The following SORCS2 variants were observed in gnomAD, a reference collection of about 807,000 sequenced individuals.
SORCS2 encodes the protein VPS10 domain-containing receptor SorCS2.
A neutral mutation model predicts 141.6 loss-of-function variants in SORCS2; 100 were observed. That is an observed-to-expected ratio of 0.71 (90% CI 0.60 to 0.83). The LOEUF is 0.83. Ranked by LOEUF, SORCS2 falls within the 40% of genes least tolerant of loss-of-function variation. SORCS2 has a pLI of 0.00. For missense variants in SORCS2, 1,646 were observed against 1,560.2 expected, an observed-to-expected ratio of 1.05 and a Z score of -0.93; for synonymous variants, 789 against 676.9, an observed-to-expected ratio of 1.17 and a Z score of -2.57.
chr4:7,316,252 A>G lies in SORCS2; in HGVS notation c.481-80036A>G, dbSNP rs1015468444. Among the ~76,000 whole-genome samples, 26 of 152,014 alleles carry G rather than the reference A, an allele frequency of 1.7e-4. 1 individual carries two copies. Among genetic ancestry groups the G allele is most frequent in the Admixed American group, 1.7e-3 (26 of 15,250 alleles). On this transcript the variant is annotated intron_variant, in intron 1 of 26. Coordinates refer to ENST00000507866, the MANE Select transcript of SORCS2 (RefSeq NM_020777.3). ...CATCCATCCATCCATCCATCCATCC[A>G]TGCATCCATTCGTGCATCCATCCTT...
chr4:7,492,279 C>T (rs1303753109), intron 2 of SORCS2, among the ~76,000 whole-genome samples: 1 of 152,238 alleles, frequency 6.6e-6, no homozygotes, highest in Non-Finnish European at 1.5e-5. Context: ...CTCTCTGCTT[C>T]TATGGATTCT....
At chr4:7,558,503 G>C (rs1242710003) in intron 3 of SORCS2, among the ~76,000 whole-genome samples, 2 of 152,196 alleles carry the variant, frequency 1.3e-5, no homozygotes, top group African/African-American at 4.8e-5. Context: ...CCTGTAACAG[G>C]GGAAGAACCT....
intron 1 of SORCS2, among the ~76,000 whole-genome samples, chr4:7,393,084 G>A (rs968583934): frequency 3.3e-5 from 5 of 152,168 alleles, no homozygotes; most frequent in Admixed American, 6.5e-5. Context: ...AGGATGAGAC[G>A]TGGGGTGATG....
chr4:7,243,238 TG>T (rs1443480992), intron 1 of SORCS2, among the ~76,000 whole-genome samples: 1 of 152,144 alleles, frequency 6.6e-6, no homozygotes, highest in Non-Finnish European at 1.5e-5. Context: ...TGGCAAGGGC[TG>T]GATTTAGGAG....
intron 3 of SORCS2, among the ~76,000 whole-genome samples, chr4:7,580,707 T>TG (rs1386683488): frequency 6.6e-6 from 1 of 152,098 alleles, no homozygotes; most frequent in Non-Finnish European, 1.5e-5. Context: ...GAGCTGTCCT[T>TG]GGGGGAGATG....
intron 2 of SORCS2, among the ~76,000 whole-genome samples, chr4:7,450,838 G>C (rs1180259446): frequency 6.6e-6 from 1 of 152,176 alleles, no homozygotes; most frequent in Non-Finnish European, 1.5e-5. Context: ...ATGAGTGAGT[G>C]AATGAGTGAA....
intron 3 of SORCS2, among the ~76,000 whole-genome samples, chr4:7,556,970 A>G (rs756069309): frequency 7.8e-4 from 111 of 142,466 alleles, no homozygotes; most frequent in Non-Finnish European, 1.1e-3. Context: ...CATTCATCCA[A>G]CCACCCACCT....
At chr4:7,348,616 A>G (rs991486243) in intron 1 of SORCS2, among the ~76,000 whole-genome samples, 5 of 152,178 alleles carry the variant, frequency 3.3e-5, no homozygotes, top group Admixed American at 6.5e-5. Context: ...CAGTGGCGCA[A>G]TCTCGGCTCA....
At chr4:7,371,274 G>A (rs1214253663) in intron 1 of SORCS2, among the ~76,000 whole-genome samples, 3 of 152,194 alleles carry the variant, frequency 2.0e-5, no homozygotes, top group African/African-American at 4.8e-5. Flanking sequence ...GCAGCTGCCT[G>A]CGCCCTGTGT....
intron 1 of SORCS2, among the ~76,000 whole-genome samples, chr4:7,282,514 G>A (rs1458757585): frequency 6.6e-6 from 1 of 152,180 alleles, no homozygotes; most frequent in East Asian, 1.9e-4. Context: ...CTGACTTAAT[G>A]AGGATGTAGC....
intron 1 of SORCS2, among the ~76,000 whole-genome samples, chr4:7,263,384 CTTGTCAAAGAAAGCACCCGTCA>C (rs746490288): frequency 8.5e-4 from 130 of 152,286 alleles, no homozygotes; most frequent in Non-Finnish European, 2.5e-4. Context: ...CAGGAAGGAC[CTTGTCAAAGAAAGCACCCGTCA>C]TTCTGGTTCT....
intron 2 of SORCS2, among the ~76,000 whole-genome samples, chr4:7,422,514 C>T (rs1018758546): frequency 1.3e-5 from 2 of 152,114 alleles, no homozygotes; most frequent in African/African-American, 4.8e-5. Flanking sequence ...TTTGAGACCC[C>T]CTGCTGTGCA....
At chr4:7,390,257 C>G (rs1030515027) in intron 1 of SORCS2, among the ~76,000 whole-genome samples, 1 of 152,308 alleles carries the variant, frequency 6.6e-6, no homozygotes, top group South Asian at 2.1e-4. Context: ...TGATTGACAA[C>G]TGAATTGGGC....
intron 1 of SORCS2, among the ~76,000 whole-genome samples, chr4:7,265,056 T>C (rs1262583588): frequency 6.6e-6 from 1 of 152,176 alleles, no homozygotes; most frequent in African/African-American, 2.4e-5. Context: ...GCCTCTGGAG[T>C]TGGGGCCATG....
intron 22 of SORCS2, among the ~76,000 whole-genome samples, chr4:7,728,929 A>T (rs561274099): frequency 1.3e-5 from 2 of 152,300 alleles, no homozygotes; most frequent in Admixed American, 1.3e-4. Flanking sequence ...TTGGCCCCCA[A>T]GTGAGAGAGG....
At chr4:7,617,133 A>G (rs768893989) in intron 3 of SORCS2, among the ~76,000 whole-genome samples, 1 of 152,166 alleles carries the variant, frequency 6.6e-6, no homozygotes, top group Non-Finnish European at 1.5e-5. Context: ...ACCCTGTAGT[A>G]TTCTATCCGT....
chr4:7,453,025 T>G (rs1347141591), intron 2 of SORCS2, among the ~76,000 whole-genome samples: 4 of 106,626 alleles, frequency 3.8e-5, no homozygotes, highest in African/African-American at 7.1e-5. Context: ...GGGGTCAGGC[T>G]CCATGTTGGG....
intron 2 of SORCS2, among the ~76,000 whole-genome samples, chr4:7,506,689 T>C (rs1732297139): frequency 6.6e-6 from 1 of 152,154 alleles, no homozygotes; most frequent in South Asian, 2.1e-4. Flanking sequence ...TGGGGAGGCA[T>C]AAATTAAACA....
rs78298844 is a variant in SORCS2, at chr4:7,365,629, C to T, written c.481-30659C>T. 9.8e-4 allele frequency among the ~76,000 whole-genome samples: 149 copies of T among 152,270 alleles called. No individual in the cohort carries two copies. In the East Asian group the frequency reaches 0.02, roughly 21 times the overall value. ...GCCATCAGTGTGGAATAAGAGACAC[C>T]GCCCGCCTGCCCGCCCAACAGCTGC... On this transcript the variant is annotated intron_variant, in intron 1 of 26. Transcript: ENST00000507866.
Sources: gnomAD v4.1 joint callset for allele counts (sites outside exome capture counted in the v4.1 genomes callset) on GRCh38, gnomAD v4.1.1 for gene constraint, MANE v1.5 for transcripts, NCBI Gene and HGNC (gene_info 2026-07-23, HGNC 2026-07-21) for gene names.